TIAM2: variants seen among roughly 807,000 people sequenced by gnomAD.
TIAM2 encodes TIAM Rac1 associated GEF 2.
TIAM2 carries 80 observed loss-of-function variants against 152.9 expected under a neutral mutation model. The ratio of observed to expected loss-of-function variants is 0.52; its 90% confidence interval spans 0.44 to 0.63. The LOEUF is 0.63. TIAM2 is among the 30% of genes least tolerant of loss of function. The pLI, the probability that TIAM2 is intolerant of heterozygous loss-of-function variation, is 0.00. For synonymous variants in TIAM2, 804 were observed against 838.0 expected (o/e 0.96, Z 0.70); for missense variants, 1,965 against 2,120.1 (o/e 0.93, Z 1.44).
intron 2 of TIAM2, among the ~76,000 whole-genome samples, chr6:155,103,104 T>C (rs987807950): frequency 6.6e-6 from 1 of 152,166 alleles, no homozygotes; most frequent in African/African-American, 2.4e-5. Context: ...ATTAGAAAGA[T>C]CAAGTCTAGT....
chr6:154,996,281 T>G (rs551702611), intron 1 of TIAM2, among the ~76,000 whole-genome samples: 2 of 152,320 alleles, frequency 1.3e-5, no homozygotes, highest in Non-Finnish European at 2.9e-5. Flanking sequence ...GCATGCCGTT[T>G]TTTTAAAATA....
chr6:155,048,490 C>T (rs531780356), intron 1 of TIAM2, among the ~76,000 whole-genome samples: 31 of 152,072 alleles, frequency 2.0e-4, no homozygotes, highest in Admixed American at 6.5e-4. Context: ...AAACAGCAAA[C>T]GAGTAAACAA....
At chr6:154,999,838 C>T (rs1433153548) in intron 1 of TIAM2, among the ~76,000 whole-genome samples, 1 of 151,940 alleles carries the variant, frequency 6.6e-6, no homozygotes, top group East Asian at 1.9e-4. Context: ...GCCACCATGC[C>T]CAGCTAATTT....
At chr6:155,105,182 T>C (rs936584140) in intron 2 of TIAM2, among the ~76,000 whole-genome samples, 7 of 152,158 alleles carry the variant, frequency 4.6e-5, no homozygotes, top group Non-Finnish European at 1.0e-4. Flanking sequence ...GGTCTCAATC[T>C]CCTGTCTTGC....
At chr6:155,137,122 G>T in intron 4 of TIAM2, 55 bp from the exon 5 acceptor site, 1 of 1,563,196 alleles carries the variant, frequency 6.4e-7, no homozygotes, top group Non-Finnish European at 8.7e-7. Context: ...TGTGCAAGAA[G>T]GGATGCTTTG....
At chr6:155,070,432 G>A (rs1192160615) in intron 1 of TIAM2, among the ~76,000 whole-genome samples, 2 of 151,444 alleles carry the variant, frequency 1.3e-5, no homozygotes, top group Admixed American at 6.6e-5. Flanking sequence ...GGCCAGGCTG[G>A]TCTCAAACTT....
intron 15 of TIAM2, among the ~76,000 whole-genome samples, chr6:155,224,926 C>G (rs895512583): frequency 3.3e-5 from 5 of 152,178 alleles, no homozygotes; most frequent in Non-Finnish European, 7.3e-5. Flanking sequence ...TTGCATGCCA[C>G]TCTCAGCTGG....
intron 4 of TIAM2, among the ~76,000 whole-genome samples, chr6:155,131,351 A>G (rs1779441130): frequency 6.6e-6 from 1 of 152,098 alleles, no homozygotes; most frequent in Admixed American, 6.5e-5. Context: ...GTCTTTAAAA[A>G]AAAAAAAAAA....
At chr6:155,024,505 A>G (rs576716513) in intron 1 of TIAM2, among the ~76,000 whole-genome samples, 2 of 151,906 alleles carry the variant, frequency 1.3e-5, no homozygotes, top group South Asian at 2.1e-4. Context: ...GCCTTCTTTA[A>G]TAGTTTTTCT....
rs1291566513 is a variant in TIAM2, at chr6:155,213,059, T to C, written c.3168+1752T>C. On this transcript the variant is annotated intron_variant, in intron 15 of 26. Coordinates refer to ENST00000682666, the MANE Select transcript of TIAM2 (RefSeq NM_012454.4). This position sits in a 1 kb window ranked among gnomAD's most constrained non-coding sequence, Gnocchi z 4.2. ...TGGGAACTCCTAGGTCTGGGCTCCC[T>C]GAAGGGCTGCAGCTCTTCTCTCCTC... is the stretch of plus-strand genomic sequence containing the variant. 6.6e-6 allele frequency among the ~76,000 whole-genome samples: 1 copy of C among 152,202 alleles called. No homozygotes were observed. The highest frequency in any genetic ancestry group is 1.5e-5 in the Non-Finnish European group (1 of 68,024).
rs1222302252 is a variant in TIAM2 at position 155,257,642 on chromosome 6, TAAAAG to T, written c.*525_*529del. 6.5e-6 allele frequency: 4 copies of T among 617,336 alleles called. No individual in the cohort carries two copies. Among genetic ancestry groups the T allele is most frequent in the East Asian group, 5.7e-5 (2 of 34,904 alleles). The allele number at this position is 617,336 out of a possible 1,614,324, so 38.2% of individuals were successfully genotyped here. A position where few individuals can be genotyped will look rare whatever the true frequency, so the allele number is the denominator to read the frequency against. On this transcript the variant is annotated 3_prime_UTR_variant, in exon 27 of 27. Coordinates refer to ENST00000682666, the MANE Select transcript of TIAM2 (RefSeq NM_012454.4). ...TCATAACTATCTATACAGTATATAT[TAAAAG>T]AAAGCTTGTACTGTATCTTATTTGA...
intron 15 of TIAM2, among the ~76,000 whole-genome samples, chr6:155,237,323 G>A (rs565429548): frequency 1.9e-4 from 29 of 152,374 alleles, no homozygotes; most frequent in African/African-American, 6.7e-4. Context: ...CTCTGTCCCT[G>A]TGGCTTTAAA....
intron 1 of TIAM2, among the ~76,000 whole-genome samples, chr6:155,060,343 G>A (rs1654951357): frequency 6.6e-6 from 1 of 151,982 alleles, no homozygotes; most frequent in African/African-American, 2.4e-5. Context: ...CAGAGTTTGC[G>A]GTGAGCCGAG....
intron 1 of TIAM2, among the ~76,000 whole-genome samples, chr6:154,999,354 C>T (rs1029893586): frequency 1.3e-5 from 2 of 149,980 alleles, no homozygotes; most frequent in Admixed American, 6.6e-5. Context: ...GGGATTGCAC[C>T]CACCACCACA....
In TIAM2 at chr6:155,109,185, C is replaced by T. The variant is rs1189954906; in HGVS notation, c.-117-18305C>T. ...ATTTTTGGTAGAGATGGGGTTTCAC[C>T]GTGTTAGCCAGGATGGTCTTGATCT... On this transcript the variant is annotated intron_variant, in intron 2 of 26. Coordinates refer to ENST00000682666, the MANE Select transcript of TIAM2 (RefSeq NM_012454.4). 3.9e-5 allele frequency among the ~76,000 whole-genome samples: 6 copies of T among 152,150 alleles called. No individual in the cohort carries two copies. In the South Asian group the frequency reaches 6.2e-4, roughly 16 times the overall value.
At chr6:155,080,158 GC>G (rs1196034245) in intron 1 of TIAM2, among the ~76,000 whole-genome samples, 1 of 151,634 alleles carries the variant, frequency 6.6e-6, no homozygotes, top group Non-Finnish European at 1.5e-5. Flanking sequence ...CACGTTATCC[GC>G]CCCGTGGCTG....
At chr6:155,133,113 G>T (rs1254005367) in intron 4 of TIAM2, among the ~76,000 whole-genome samples, 1 of 152,196 alleles carries the variant, frequency 6.6e-6, no homozygotes, top group Non-Finnish European at 1.5e-5. Flanking sequence ...CCAGCACTTT[G>T]GGAGGCTGAG....
At chr6:155,024,649 C>G (rs1277748455) in intron 1 of TIAM2, among the ~76,000 whole-genome samples, 1 of 16,356 alleles carries the variant, frequency 6.1e-5, no homozygotes, top group South Asian at 3.2e-3. Flanking sequence ...AAATCCATGT[C>G]TTTAAAAAAA....
At chr6:155,254,834 C>A in intron 26 of TIAM2, 1 of 423,868 alleles carries the variant, frequency 2.4e-6, no homozygotes, top group Non-Finnish European at 4.4e-6. Context: ...CTAAGATGTG[C>A]ATGGGTCCAG....
Sources: allele counts gnomAD v4.1 joint callset (sites outside exome capture counted in the v4.1 genomes callset), GRCh38; gene constraint gnomAD v4.1.1; non-coding constraint Gnocchi (gnomAD v3.1); transcripts MANE v1.5; gene names NCBI Gene and HGNC (gene_info 2026-07-23, HGNC 2026-07-21).